Variants in CSMD3 observed in about 807,000 individuals in gnomAD.
The protein encoded by CSMD3 is CUB and Sushi multiple domains 3.
Under a neutral mutation model 435.2 loss-of-function variants are expected in CSMD3, and 177 were observed. That is an observed-to-expected ratio of 0.41 (90% confidence interval 0.36 to 0.46). The LOEUF (loss-of-function observed/expected upper bound fraction) is 0.46, where lower values mean the gene tolerates loss of function less well. CSMD3 is among the 20% of genes least tolerant of loss of function. The pLI, the probability that CSMD3 is intolerant of heterozygous loss-of-function variation, is 0.34. For synonymous variants in CSMD3, 1,656 were observed against 1,520.5 expected, an observed-to-expected ratio of 1.09 and a Z score of -2.07; for missense variants, 4,265 against 4,504.6, an observed-to-expected ratio of 0.95 and a Z score of 1.52.
chr8:112,715,107 C>T (rs572756790), intron 13 of CSMD3, among the ~76,000 whole-genome samples: 5 of 151,950 alleles, frequency 3.3e-5, no homozygotes, highest in Admixed American at 1.3e-4. Context: ...GCACAAAAAA[C>T]CCTTCAAAAA....
rs1181368221 is a variant in CSMD3 at position 112,636,888 on chromosome 8, T to G, written c.3644A>C (p.Glu1215Ala). Residue 1215 changes from glutamate to alanine, a missense_variant, in exon 22 of 71, where the codon GAA becomes GCA. Transcript: ENST00000297405. ...TFSCSSGYRLEGTSEIICLGG... is the reference protein window; with the variant it reads ...TFSCSSGYRLAGTSEIICLGG... ...AAGACAGATGATCTCTGATGTTCCT[T>G]CCAGTCGATAACCCGAAGAGCATGA... 1.2e-6 allele frequency: 2 copies of G among 1,613,454 alleles called. No homozygotes were observed. The highest frequency in any genetic ancestry group is 1.7e-5 in the Admixed American group (1 of 59,908).
chr8:112,941,887 C>T (rs925738801), intron 9 of CSMD3, among the ~76,000 whole-genome samples: 2 of 151,478 alleles, frequency 1.3e-5, no homozygotes, highest in South Asian at 2.1e-4. Flanking sequence ...ACAGTTTCTC[C>T]CATTATTAAT....
intron 11 of CSMD3, among the ~76,000 whole-genome samples, chr8:112,846,823 A>G (rs952912101): frequency 1.3e-4 from 20 of 152,012 alleles, no homozygotes; most frequent in African/African-American, 4.6e-4. Flanking sequence ...CATTTGAACA[A>G]AAAAAATAAG....
intron 24 of CSMD3, among the ~76,000 whole-genome samples, chr8:112,559,727 T>A (rs989610290): frequency 6.6e-6 from 1 of 152,010 alleles, no homozygotes; most frequent in Non-Finnish European, 1.5e-5. Context: ...AAACCTGATA[T>A]GAACAAATCA....
chr8:112,569,688 G>A (rs1294629116), intron 24 of CSMD3, among the ~76,000 whole-genome samples: 1 of 152,068 alleles, frequency 6.6e-6, no homozygotes, highest in Non-Finnish European at 1.5e-5. Flanking sequence ...TGATAGGATG[G>A]CCAAAAACAG....
At chr8:113,414,961 AAAAAAAC>A (rs2094575601) in intron 1 of CSMD3, among the ~76,000 whole-genome samples, 1 of 152,104 alleles carries the variant, frequency 6.6e-6, no homozygotes, top group African/African-American at 2.4e-5. Context: ...GGCAGTATGT[AAAAAAAC>A]AAAAAACGAA....
intron 1 of CSMD3, among the ~76,000 whole-genome samples, chr8:113,333,558 A>C (rs146695566): frequency 6.6e-6 from 1 of 151,806 alleles, no homozygotes; most frequent in African/African-American, 2.4e-5. Context: ...AAATGCTTTT[A>C]TACCTTTCTC....
chr8:112,431,393 T>C (rs1324569727), intron 32 of CSMD3, among the ~76,000 whole-genome samples: 1 of 152,118 alleles, frequency 6.6e-6, no homozygotes, highest in Non-Finnish European at 1.5e-5. Context: ...AAAAAATAGG[T>C]GATTTTTTTA....
intron 11 of CSMD3, among the ~76,000 whole-genome samples, chr8:112,842,123 G>A (rs1050670004): frequency 1.3e-5 from 2 of 151,740 alleles, no homozygotes; most frequent in Non-Finnish European, 2.9e-5. Flanking sequence ...CCCAGTTGCA[G>A]CTATTCTTGA....
intron 22 of CSMD3, 85 bp from the exon 23 acceptor site, chr8:112,587,320 A>G (rs1265730881): frequency 3.0e-6 from 3 of 1,009,040 alleles, no homozygotes; most frequent in African/African-American, 1.6e-5. Flanking sequence ...AGTGTTATGC[A>G]TTTTATTTTA....
intron 22 of CSMD3, among the ~76,000 whole-genome samples, chr8:112,594,885 C>A (rs1430974059): frequency 3.3e-5 from 5 of 151,436 alleles, no homozygotes; most frequent in Admixed American, 6.6e-5. Flanking sequence ...CATCAAAGAC[C>A]AAAAGTAGAT....
rs2131662746 is a variant in CSMD3, at chr8:112,656,346, G to A, written c.2817-5C>T. On this transcript the variant is annotated splice_region_variant and splice_polypyrimidine_tract_variant and intron_variant, in intron 17 of 70. Transcript: ENST00000297405. ...TAATTCAGTTCAGTCTGAAATCTAAGATTAAAAGACACATGTGAAAATATA... is the reference window on the plus strand; with the variant it reads ...TAATTCAGTTCAGTCTGAAATCTAAAATTAAAAGACACATGTGAAAATATA... The A allele has an allele frequency of 3.1e-6, 5 of 1,603,928 alleles. No homozygotes were observed. Among genetic ancestry groups the A allele is most frequent in the South Asian group, 1.1e-5 (1 of 90,596 alleles).
rs753383036 is a variant in CSMD3 at position 112,305,990 on chromosome 8, T to A, written c.8071+17A>T. 1 of 1,605,590 alleles carries A rather than the reference T, an allele frequency of 6.2e-7. No homozygotes were observed. Among genetic ancestry groups the A allele is most frequent in the South Asian group, 1.1e-5 (1 of 90,882 alleles). On this transcript the variant is annotated intron_variant, in intron 51 of 70. Coordinates refer to ENST00000297405, the MANE Select transcript of CSMD3 (RefSeq NM_198123.2). ...CCAAGAGAAAAACAAGTGATGAAAT[T>A]CCCTTGACACACATACCAACACAGC...
At chr8:112,410,424 T>G (rs1050808270) in intron 32 of CSMD3, among the ~76,000 whole-genome samples, 2 of 148,852 alleles carry the variant, frequency 1.3e-5, no homozygotes, top group Non-Finnish European at 3.0e-5. Flanking sequence ...TACAAACATT[T>G]TGAATTCAGA....
chr8:112,409,024 C>T lies in CSMD3; in HGVS notation c.5404G>A (p.Gly1802Ser), dbSNP rs781608468. 6.2e-7 allele frequency: 1 copy of T among 1,613,300 alleles called. No homozygotes were observed. Among genetic ancestry groups the T allele is most frequent in the South Asian group, 1.1e-5 (1 of 91,056 alleles). The part of the protein sequence containing the change: ...IAVPKEFVVF[G>S]QFVFFQTSLH... ...GATGTCTGGAAAAATACAAACTGGC[C>T]AAACACCACTGATCAACAGGAACCC... is the stretch of plus-strand genomic sequence containing the variant. Residue 1802 changes from glycine to serine, a missense_variant, in exon 33 of 71, where the codon GGC (glycine) becomes AGC (serine). Around this residue, in one of 3 missense-constraint regions of CSMD3, gnomAD observed 3,255 missense variants for 3,380.2 expected, o/e 0.96. Coordinates refer to ENST00000297405, the MANE Select transcript of CSMD3 (RefSeq NM_198123.2).
chr8:112,612,993 A>G (rs1177804985), intron 22 of CSMD3, among the ~76,000 whole-genome samples: 1 of 151,724 alleles, frequency 6.6e-6, no homozygotes, highest in Admixed American at 6.6e-5. Context: ...ACTCACCTTG[A>G]ATTTCTGGCT....
At chr8:113,133,294 A>C (rs770048154) in intron 4 of CSMD3, among the ~76,000 whole-genome samples, 2 of 152,166 alleles carry the variant, frequency 1.3e-5, no homozygotes, top group Non-Finnish European at 2.9e-5. Flanking sequence ...ACAAATAGCC[A>C]ACTAACAAAT....
At chr8:112,540,256 A>G (rs982300076) in intron 27 of CSMD3, among the ~76,000 whole-genome samples, 3 of 152,180 alleles carry the variant, frequency 2.0e-5, no homozygotes, top group Non-Finnish European at 4.4e-5. Flanking sequence ...GCCAGTTAAA[A>G]TGGCTATCAG....
At chr8:112,252,810 G>C (rs1815405271) in intron 63 of CSMD3, among the ~76,000 whole-genome samples, 1 of 150,498 alleles carries the variant, frequency 6.6e-6, no homozygotes, top group African/African-American at 2.4e-5. Context: ...TTGTATATAA[G>C]TAGACTTTAC....
Sources: allele counts gnomAD v4.1 joint callset (sites outside exome capture counted in the v4.1 genomes callset), GRCh38; gene constraint gnomAD v4.1.1; regional missense constraint gnomAD v4.1.1; transcripts MANE v1.5; gene names NCBI Gene and HGNC (gene_info 2026-07-23, HGNC 2026-07-21).